The following VWDE variants were observed in gnomAD, a reference collection of about 807,000 sequenced individuals.
The protein encoded by VWDE is von Willebrand factor D and EGF domains.
VWDE carries 207 observed loss-of-function variants against 178.4 expected under a neutral mutation model. That is an observed-to-expected ratio of 1.16 (90% CI 1.04 to 1.30). The LOEUF (loss-of-function observed/expected upper bound fraction) is 1.30, where lower values mean the gene tolerates loss of function less well. VWDE is among the 50% of genes most tolerant of loss of function. VWDE has a pLI of 0.00. For synonymous variants in VWDE, 738 were observed against 651.4 expected (o/e 1.13, Z -2.02); for missense variants, 2,287 against 1,901.3 (o/e 1.20, Z -3.77).
intron 2 of VWDE, 53 bp downstream of exon 2, chr7:12,393,541 A>C: frequency 7.2e-7 from 1 of 1,384,136 alleles, no homozygotes. Context: ...TACAATTCTC[A>C]TATGAAAAAC....
At position 12,373,119 on chromosome 7, in the gene VWDE, A is replaced by G. The variant is rs1430562520; in HGVS notation, c.1445T>C (p.Val482Ala). 2 of 1,551,406 alleles carry G rather than the reference A, an allele frequency of 1.3e-6. No homozygotes were observed. The highest frequency in any genetic ancestry group is 3.9e-5 in the Admixed American group (2 of 50,980). Residue 482 changes from valine to alanine, a missense_variant, in exon 10 of 29, where the codon GTT (valine) becomes GCT (alanine). Transcript: ENST00000275358. Reference protein sequence around the residue: ...HYPVSCNCGFVAQEGGDIVTF... With the variant: ...HYPVSCNCGFAAQEGGDIVTF... The stretch of plus-strand genomic sequence containing the variant: ...AACTATATCACCTCCTTCCTGGGCA[A>G]CAAACCCACAATTACATGACACTGG...
rs1430451501 is a variant in VWDE, at chr7:12,357,336, A to C, written c.3454T>G (p.Leu1152Val). The change falls in exon 17 of 29, where the codon TTA (leucine) becomes GTA (valine). Residue 1152 changes from leucine (L) to valine (V), a missense_variant. By Grantham distance (32) the Leu-to-Val change is conservative. Transcript: ENST00000275358. ...SAGLFMWKTD[L>V]LTTQQITVRL... ...ACAGTAATTTGTTGGGTAGTTAGTA[A>C]ATCTGTTTTCCACATAAAAAGCCCT... 1.3e-6 allele frequency: 2 copies of C among 1,552,140 alleles called. No individual in the cohort carries two copies. The highest frequency in any genetic ancestry group is 3.9e-5 in the Admixed American group (2 of 51,012).
At chr7:12,380,209 G>A (rs930124072) in intron 5 of VWDE, among the ~76,000 whole-genome samples, 3 of 151,372 alleles carry the variant, frequency 2.0e-5, no homozygotes, top group Non-Finnish European at 4.4e-5. Context: ...GGACATATAT[G>A]TGTAAGAACT....
rs768830612 is a variant in VWDE at position 12,333,441 on chromosome 7, T to C, written c.4758+24A>G. 1.1e-5 allele frequency: 16 copies of C among 1,419,040 alleles called. No homozygotes were observed. In the South Asian group the frequency reaches 1.1e-4, roughly 10 times the overall value. 87.9% of individuals were successfully genotyped at this position (1,419,040 alleles called of 1,614,324 possible). A position where few individuals can be genotyped will look rare whatever the true frequency, so the allele number is the denominator to read the frequency against. ...TGCAAATGTCAATGTCTAATATTTA[T>C]TTTCTCTTTAAACTCTGAAATACCT... On this transcript the variant is annotated intron_variant, in intron 28 of 28. Coordinates refer to ENST00000275358, the MANE Select transcript of VWDE (RefSeq NM_001135924.3).
intron 2 of VWDE, among the ~76,000 whole-genome samples, chr7:12,392,293 T>A (rs189129604): frequency 7.3e-4 from 111 of 152,268 alleles, no homozygotes; most frequent in African/African-American, 2.6e-3. Context: ...AAAATAAACG[T>A]CAGATTAAAA....
chr7:12,387,676 A>C (rs1258299664), intron 3 of VWDE, among the ~76,000 whole-genome samples: 1 of 152,108 alleles, frequency 6.6e-6, no homozygotes, highest in Non-Finnish European at 1.5e-5. Flanking sequence ...CTTGTTTGCT[A>C]TAATTGTGTG....
intron 4 of VWDE, 109 bp downstream of exon 4, chr7:12,383,427 T>C (rs1190052776): frequency 1.1e-6 from 1 of 886,114 alleles, no homozygotes; most frequent in Non-Finnish European, 1.7e-6. Context: ...AGACTTTGGT[T>C]ATATCAAATA....
Position 12,359,382 on chromosome 7 carries a change from A to G in VWDE, c.3274+196T>C, listed in dbSNP as rs191804117. On this transcript the variant is annotated intron_variant, in intron 16 of 28. Coordinates refer to ENST00000275358, the MANE Select transcript of VWDE (RefSeq NM_001135924.3). ...TTAATAATTCTCATTTCTTCCATTA[A>G]TAAATCACAAATCCTTTCCTAATCA... 5.3e-4 allele frequency among the ~76,000 whole-genome samples: 81 copies of G among 152,328 alleles called. No homozygotes were observed. In the South Asian group the frequency reaches 8.3e-3, roughly 16 times the overall value.
chr7:12,360,307 T>C (rs545405539), intron 15 of VWDE, among the ~76,000 whole-genome samples: 154 of 152,266 alleles, frequency 1.0e-3, no homozygotes, highest in African/African-American at 3.6e-3. Flanking sequence ...AAATCTCCTT[T>C]AATATCACTT....
At chr7:12,343,046 G>A in intron 22 of VWDE, 37 bp downstream of exon 22, 1 of 1,469,872 alleles carries the variant, frequency 6.8e-7, no homozygotes, top group South Asian at 1.2e-5. Context: ...CAAAGAAGCA[G>A]TTTCATTATA....
rs1480338396 is a variant in VWDE, at chr7:12,340,373, G to A, written c.4315C>T (p.Pro1439Ser). 1.3e-6 allele frequency: 2 copies of A among 1,551,458 alleles called. No individual in the cohort carries two copies. Among genetic ancestry groups the A allele is most frequent in the Non-Finnish European group, 1.7e-6 (2 of 1,146,856 alleles). Reference protein sequence around the residue: ...VCLNGGSCNKPNTCLCPNGFF... With the variant: ...VCLNGGSCNKSNTCLCPNGFF... ...CCATTTGGACAGAGGCAAGTATTTG[G>A]CTTATTACACGAACCACCATTGAGG... Residue 1439 changes from proline (P) to serine (S), a missense_variant, in exon 24 of 29, where the codon CCA becomes TCA. By Grantham distance (74) the Pro-to-Ser change is moderately conservative. Transcript: ENST00000275358.
Position 12,370,960 on chromosome 7 carries a change from AT to A in VWDE, c.1588-97del, listed in dbSNP as rs1203365545. On this transcript the variant is annotated intron_variant, in intron 10 of 28. Coordinates refer to ENST00000275358, the MANE Select transcript of VWDE (RefSeq NM_001135924.3). ...ATTATTTAAAAAATAAGAAATAGTTATTCCCTCAATATAAAAAAAGAATAAA... is the reference window on the plus strand; with the variant it reads ...ATTATTTAAAAAATAAGAAATAGTTATCCCTCAATATAAAAAAAGAATAAA... 17 of 919,104 alleles carry A rather than the reference AT, an allele frequency of 1.8e-5. No individual in the cohort carries two copies. The South Asian group carries it at 4.3e-4, about 23-fold the overall frequency. The allele number at this position is 919,104 out of a possible 1,614,324, so 56.9% of individuals were successfully genotyped here. A position where few individuals can be genotyped will look rare whatever the true frequency, so the allele number is the denominator to read the frequency against.
chr7:12,338,783 T>C (rs1392369001), intron 24 of VWDE, among the ~76,000 whole-genome samples: 1 of 152,166 alleles, frequency 6.6e-6, no homozygotes, highest in South Asian at 2.1e-4. Context: ...AATTGGAAGG[T>C]GTATTTAAAT....
At chr7:12,402,090 G>A (rs1784924611) in intron 1 of VWDE, among the ~76,000 whole-genome samples, 1 of 152,198 alleles carries the variant, frequency 6.6e-6, no homozygotes, top group Non-Finnish European at 1.5e-5. Flanking sequence ...ATCCAGAATA[G>A]GCAAATGCAA....
At chr7:12,350,884 T>C (rs1435643337) in intron 19 of VWDE, among the ~76,000 whole-genome samples, 1 of 151,916 alleles carries the variant, frequency 6.6e-6, no homozygotes, top group African/African-American at 2.4e-5. Flanking sequence ...GACAAGAAAG[T>C]AAATAAGAAT....
At chr7:12,374,967 T>C in intron 8 of VWDE, 43 bp downstream of exon 8, 1 of 1,511,242 alleles carries the variant, frequency 6.6e-7, no homozygotes, top group East Asian at 2.5e-5. Flanking sequence ...ACACATTTCT[T>C]CTTAAAGCTT....
chr7:12,391,089 C>G (rs920786391), intron 2 of VWDE, among the ~76,000 whole-genome samples: 1 of 152,020 alleles, frequency 6.6e-6, no homozygotes. Context: ...AATGCTATAA[C>G]TGTAACTGAA....
intron 7 of VWDE, among the ~76,000 whole-genome samples, chr7:12,376,923 T>C (rs1332762388): frequency 6.6e-6 from 1 of 152,042 alleles, no homozygotes; most frequent in African/African-American, 2.4e-5. Context: ...TTTTTTATCT[T>C]CTTGTTTCTC....
chr7:12,373,063 C>G lies in VWDE; in HGVS notation c.1501G>C (p.Glu501Gln). ...TTTATGAACAAATATGGTTGTGATTCACGTAGCTGACCATTGCACATATCA... is the reference window on the plus strand; with the variant it reads ...TTTATGAACAAATATGGTTGTGATTGACGTAGCTGACCATTGCACATATCA... ...TFDMCNGQLR[E>Q]SQPYLFIKSQ... The change falls in exon 10 of 29, where the codon GAA becomes CAA. Residue 501 changes from glutamate to glutamine, a missense_variant. Coordinates refer to ENST00000275358, the MANE Select transcript of VWDE (RefSeq NM_001135924.3). 3 of 1,551,200 alleles carry G rather than the reference C, an allele frequency of 1.9e-6. No individual in the cohort carries two copies. Among genetic ancestry groups the G allele is most frequent in the Non-Finnish European group, 2.6e-6 (3 of 1,146,724 alleles).
Sources: gnomAD v4.1 joint callset for allele counts (sites outside exome capture counted in the v4.1 genomes callset) on GRCh38, gnomAD v4.1.1 for gene constraint, MANE v1.5 for transcripts, NCBI Gene and HGNC (gene_info 2026-07-23, HGNC 2026-07-21) for gene names.